CENPK: variants seen among roughly 807,000 people sequenced by gnomAD.
CENPK encodes the protein centromere protein K, also known as SoxLZ/Sox6-binding protein Solt.
CENPK carries 46 observed loss-of-function variants against 40.9 expected under a neutral mutation model. That is an observed-to-expected ratio of 1.13 (90% CI 0.89 to 1.44). The LOEUF (loss-of-function observed/expected upper bound fraction) is 1.44, where lower values mean the gene tolerates loss of function less well. CENPK is among the 40% of genes most tolerant of loss of function. CENPK has a pLI of 0.00. For missense variants in CENPK, 288 were observed against 303.5 expected, an observed-to-expected ratio of 0.95 and a Z score of 0.38; for synonymous variants, 107 against 104.4, an observed-to-expected ratio of 1.02 and a Z score of -0.15.
chr5:65,496,668 T>C, the CENPK span, among the ~76,000 whole-genome samples: 2 of 152,114 alleles, frequency 1.3e-5, no homozygotes. Context: ...AGGTTACAAG[T>C]GGTTATCTCT....
intron 6 of CENPK, among the ~76,000 whole-genome samples, chr5:65,542,215 T>C (rs1748099172): frequency 6.6e-6 from 1 of 152,226 alleles, no homozygotes; most frequent in Admixed American, 6.5e-5. Flanking sequence ...GATGTATGTA[T>C]GGGGTCATTA....
At chr5:65,550,336 C>G (rs539058808) in intron 5 of CENPK, 51 of 152,156 alleles carry the variant, frequency 3.4e-4, no homozygotes, top group Non-Finnish European at 6.6e-4. Context: ...TGCAACTCTT[C>G]TTTTCACTTA....
the CENPK span, among the ~76,000 whole-genome samples, chr5:65,505,088 C>T: frequency 1.3e-5 from 2 of 152,060 alleles, no homozygotes; most frequent in African/African-American, 2.4e-5. Context: ...CCACCATATT[C>T]AGCTAATTTT....
At chr5:65,537,223 T>C (rs1171171342) in intron 6 of CENPK, among the ~76,000 whole-genome samples, 1 of 152,248 alleles carries the variant, frequency 6.6e-6, no homozygotes, top group Non-Finnish European at 1.5e-5. Context: ...TCTTTCCTAG[T>C]AGAGTTGCAT....
At chr5:65,529,495 CT>C (rs35215251) in intron 6 of CENPK, 117,944 of 182,796 alleles carry the variant, frequency 0.65, 35,996 homozygotes, top group East Asian at 0.82. Context: ...TTCTTTCTTT[CT>C]TTTTTTTTTT....
the CENPK span, among the ~76,000 whole-genome samples, chr5:65,502,261 C>T: frequency 6.6e-6 from 1 of 152,096 alleles, no homozygotes; most frequent in African/African-American, 2.4e-5. Context: ...TTTTATCTTC[C>T]ATTGGTGTTT....
intron 6 of CENPK, among the ~76,000 whole-genome samples, chr5:65,535,978 A>G (rs999506058): frequency 6.6e-6 from 1 of 152,232 alleles, no homozygotes; most frequent in African/African-American, 2.4e-5. Flanking sequence ...CTGCACTGCG[A>G]TAAGTTACTG....
chr5:65,502,864 G>A, the CENPK span, among the ~76,000 whole-genome samples: 1 of 151,932 alleles, frequency 6.6e-6, no homozygotes, highest in Admixed American at 6.5e-5. Flanking sequence ...GGAGTGCAGT[G>A]GTGCAAGCTC....
the CENPK span, among the ~76,000 whole-genome samples, chr5:65,510,667 T>G: frequency 6.6e-6 from 1 of 151,400 alleles, no homozygotes; most frequent in African/African-American, 2.4e-5. Flanking sequence ...TCCCAGCTAC[T>G]CGGGAGGCTG....
At chr5:65,525,304 A>G (rs7717902) in intron 9 of CENPK, among the ~76,000 whole-genome samples, 91,929 of 151,856 alleles carry the variant, frequency 0.61, 28,545 homozygotes, top group East Asian at 0.79. Context: ...GGTGGAGGTT[A>G]TAGTGAGCTG....
At chr5:65,510,137 A>C in the CENPK span, among the ~76,000 whole-genome samples, 2 of 152,240 alleles carry the variant, frequency 1.3e-5, no homozygotes, top group African/African-American at 4.8e-5. Flanking sequence ...ACAGCTGAAA[A>C]AGAATTAATC....
At chr5:65,500,900 G>A in the CENPK span, among the ~76,000 whole-genome samples, 6 of 151,902 alleles carry the variant, frequency 3.9e-5, no homozygotes, top group Non-Finnish European at 7.4e-5. Flanking sequence ...TCGATCTCTT[G>A]ACCTCATGAT....
chr5:65,561,681 G>A, intron 1 of CENPK, 117 bp from the exon 2 acceptor site: 5 of 239,182 alleles, frequency 2.1e-5, no homozygotes, highest in South Asian at 4.6e-5. Context: ...TCCTGGAAAG[G>A]GAACAAGTCA....
At chr5:65,498,768 T>C in the CENPK span, among the ~76,000 whole-genome samples, 1 of 151,796 alleles carries the variant, frequency 6.6e-6, no homozygotes, top group East Asian at 1.9e-4. Flanking sequence ...GCAATCTTGC[T>C]GCCTTAGGCT....
At chr5:65,550,112 G>A (rs989576291) in intron 5 of CENPK, among the ~76,000 whole-genome samples, 15 of 142,216 alleles carry the variant, frequency 1.1e-4, no homozygotes, top group Non-Finnish European at 2.0e-4. Context: ...AGACTGCACT[G>A]AGCCGAGATC....
At chr5:65,545,352 A>G (rs1049595260) in intron 5 of CENPK, among the ~76,000 whole-genome samples, 6 of 144,196 alleles carry the variant, frequency 4.2e-5, no homozygotes, top group Non-Finnish European at 9.5e-5. Context: ...ACACACACAC[A>G]CACACACACA....
the CENPK span, among the ~76,000 whole-genome samples, chr5:65,497,892 A>G: frequency 3.3e-5 from 5 of 152,174 alleles, no homozygotes; most frequent in African/African-American, 1.2e-4. Flanking sequence ...AAATAAATAA[A>G]TAAAATATAC....
At chr5:65,528,872 A>G (rs1481931522) in intron 8 of CENPK, 47 bp downstream of exon 8, 1 of 1,203,436 alleles carries the variant, frequency 8.3e-7, no homozygotes, top group Non-Finnish European at 1.2e-6. Context: ...AACACAAAAA[A>G]TAAAATACTT....
intron 1 of CENPK, among the ~76,000 whole-genome samples, chr5:65,561,998 G>T (rs893745198): frequency 3.9e-5 from 6 of 152,092 alleles, no homozygotes; most frequent in African/African-American, 1.4e-4. Context: ...CTAAATACAT[G>T]ATATGATTTC....
Sources: allele counts gnomAD v4.1 joint callset (sites outside exome capture counted in the v4.1 genomes callset), GRCh38; gene constraint gnomAD v4.1.1; transcripts MANE v1.5; gene names NCBI Gene and HGNC (gene_info 2026-07-23, HGNC 2026-07-21).